HEPH: variants seen among roughly 807,000 people sequenced by gnomAD.
HEPH encodes the protein hephaestin.
In HEPH, 69 loss-of-function variants were observed where a neutral mutation model predicts 80.8. That is an observed-to-expected ratio of 0.85 (90% confidence interval 0.70 to 1.04). The LOEUF (loss-of-function observed/expected upper bound fraction) is 1.04, where lower values mean the gene tolerates loss of function less well. Among genes scored for constraint, HEPH ranks in the 50% least tolerant of loss-of-function variants. The pLI, the probability that HEPH is intolerant of heterozygous loss-of-function variation, is 0.00. For missense variants in HEPH, 1,115 were observed against 891.3 expected (o/e 1.25, Z -3.20); for synonymous variants, 431 against 322.8 (o/e 1.34, Z -3.60).
intron 15 of HEPH, among the ~76,000 whole-genome samples, chrX:66,215,291 A>G (rs2089337769): frequency 9.0e-6 from 1 of 110,996 alleles, no homozygotes; most frequent in Admixed American, 9.7e-5. Context: ...TGTATCTAGT[A>G]GTCTTCTTGA....
chrX:66,178,663 T>A (rs1244963989), intron 4 of HEPH, among the ~76,000 whole-genome samples: 2 of 112,230 alleles, frequency 1.8e-5, no homozygotes, highest in Admixed American at 9.4e-5. Flanking sequence ...GGTATCTCAT[T>A]GTGGTTTTGA....
intron 15 of HEPH, among the ~76,000 whole-genome samples, chrX:66,235,899 A>C: frequency 1.8e-5 from 2 of 111,351 alleles, no homozygotes; most frequent in Middle Eastern, 4.6e-3. Context: ...AATGGAATGG[A>C]ATAGCATTCC....
At chrX:66,255,285 TAGAC>T (rs2091139727) in intron 16 of HEPH, 144 bp downstream of exon 16, 2 of 382,557 alleles carry the variant, frequency 5.2e-6, no homozygotes, top group East Asian at 4.0e-5. Context: ...CTTATTTTAA[TAGAC>T]AGGAGGAGGG....
intron 4 of HEPH, among the ~76,000 whole-genome samples, chrX:66,187,973 G>C (rs2087560015): frequency 8.9e-6 from 1 of 111,898 alleles, no homozygotes; most frequent in Middle Eastern, 4.6e-3. Context: ...TGTAGTAAGA[G>C]TTTAGATATG....
chrX:66,219,545 C>T (rs939244794), intron 15 of HEPH, among the ~76,000 whole-genome samples: 3 of 111,960 alleles, frequency 2.7e-5, no homozygotes, highest in Non-Finnish European at 5.6e-5. Context: ...ATTTCTAAGA[C>T]AGCTTGTAAC....
Position 66,203,448 on chromosome X carries a change from A to C in HEPH, c.2162A>C (p.His721Pro). 8.3e-7 allele frequency: 1 copy of C among 1,210,644 alleles called. No individual in the cohort carries two copies. The highest frequency in any genetic ancestry group is 1.7e-5 in the African/African-American group (1 of 57,517). The change falls in exon 13 of 21, where the codon CAC (histidine) becomes CCC (proline). Residue 721 changes from histidine to proline, a missense_variant. By Grantham distance (77) the His-to-Pro change is moderately conservative (BLOSUM62 -2). Coordinates refer to ENST00000343002, the MANE Select transcript of HEPH (RefSeq NM_001367233.3). ...AIYNVSQCPG[H>P]QATPRQRYQA... ...TATAATGTCTCCCAGTGTCCTGGCC[A>C]CCAAGCCACCCCTCGCCAACGCTAC...
In HEPH at chrX:66,164,281, C is replaced by T. The variant is rs1373837732; in HGVS notation, c.-203C>T. ...GTTTTGTTTCTGGAAAAGAGGGCAC[C>T]CAGCCCTTCCCCCTCCCTCATCCTC... On this transcript the variant is annotated 5_prime_UTR_variant, in exon 1 of 21. Coordinates refer to ENST00000343002, the MANE Select transcript of HEPH (RefSeq NM_001367233.3). The T allele has an allele frequency of 1.3e-6, 1 of 751,121 alleles. No homozygotes were observed. The highest frequency in any genetic ancestry group is 7.6e-4 in the Middle Eastern group (1 of 1,315). 61.9% of individuals were successfully genotyped at this position (751,121 alleles called of 1,213,427 possible).
intron 15 of HEPH, among the ~76,000 whole-genome samples, chrX:66,241,903 G>T (rs967416659): frequency 8.1e-5 from 9 of 110,810 alleles, no homozygotes; most frequent in Non-Finnish European, 1.5e-4. Context: ...ATGCTCATGG[G>T]TAGAAAGAAT....
intron 15 of HEPH, among the ~76,000 whole-genome samples, chrX:66,251,724 T>G (rs1273013055): frequency 8.9e-6 from 1 of 111,793 alleles, no homozygotes; most frequent in Non-Finnish European, 1.9e-5. Context: ...ACTGCAAGTG[T>G]AAATACCTTG....
chrX:66,173,628 C>A lies in HEPH; in HGVS notation c.452C>A (p.Ala151Asp). The change falls in exon 4 of 21, where the codon GCT becomes GAT. Residue 151 changes from alanine (A) to aspartate (D), a missense_variant. Transcript: ENST00000343002. ...GATGGCTCCTCTGGGCCACTGAAAG[C>A]TGATGACTCTGTTCCCCCGGGGGGC... ...YPDGSSGPLK[A>D]DDSVPPGGSH... 1 of 1,210,968 alleles carries A rather than the reference C, an allele frequency of 8.3e-7. No homozygotes were observed. Among genetic ancestry groups the A allele is most frequent in the African/African-American group, 1.7e-5 (1 of 57,796 alleles).
chrX:66,172,257 C>A, intron 2 of HEPH, 98 bp from the exon 3 acceptor site: 3 of 833,696 alleles, frequency 3.6e-6, no homozygotes, highest in Non-Finnish European at 5.0e-6. Flanking sequence ...TTGTCCTAAA[C>A]AAAGATAGTC....
intron 15 of HEPH, among the ~76,000 whole-genome samples, chrX:66,217,073 G>A (rs1444449787): frequency 9.0e-6 from 1 of 110,868 alleles, no homozygotes; most frequent in East Asian, 2.8e-4. Flanking sequence ...TGTTCGGGAG[G>A]AAGAAGAGAA....
In HEPH at chrX:66,220,923, C is replaced by T. The variant is rs141923054; in HGVS notation, c.2563+12677C>T. ...TACAAACAAGTTTTTTTTAGATTCC[C>T]GGTACACTTATAATAATCATAAAAT... is the stretch of plus-strand genomic sequence containing the variant. On this transcript the variant is annotated intron_variant, in intron 15 of 20. Coordinates refer to ENST00000343002, the MANE Select transcript of HEPH (RefSeq NM_001367233.3). Among the ~76,000 whole-genome samples, 17 of 110,919 alleles carry T rather than the reference C, an allele frequency of 1.5e-4. 1 individual carries two copies. In the East Asian group the frequency reaches 4.3e-3, roughly 28 times the overall value.
chrX:66,203,658 ACT>A (rs1175446760), intron 13 of HEPH, 81 bp downstream of exon 13: 2 of 846,462 alleles, frequency 2.4e-6, no homozygotes, highest in Middle Eastern at 3.4e-4. Context: ...AGATGAGGAG[ACT>A]CTTATCTCAG....
rs1288002488 is a variant in HEPH at position 66,266,486 on chromosome X, C to T, written c.3291C>T (p.Gly1097=). ...AAGAAGGCAATGTGAAGATGCTGGG[C>T]ATGCAGATCCCCATAAAGAATGTTG... is the stretch of plus-strand genomic sequence containing the variant. ...DIEEGNVKML[G]MQIPIKNVEM... Residue 1097 remains glycine, a synonymous_variant, in exon 21 of 21, where the codon GGC becomes GGT. Transcript: ENST00000343002. The T allele has an allele frequency of 1.5e-5, 18 of 1,209,554 alleles. No homozygotes were observed. Among genetic ancestry groups the T allele is most frequent in the Middle Eastern group, 2.3e-4 (1 of 4,352 alleles).
chrX:66,234,307 T>A (rs926364695), intron 15 of HEPH, among the ~76,000 whole-genome samples: 3 of 111,478 alleles, frequency 2.7e-5, no homozygotes, highest in Non-Finnish European at 5.7e-5. Flanking sequence ...AAAAAAAAAA[T>A]CCAATCTACT....
chrX:66,170,148 A>T (rs2086531479), intron 1 of HEPH: 1 of 117,640 alleles, frequency 8.5e-6, no homozygotes, highest in African/African-American at 3.2e-5. Context: ...GAGGATAGGA[A>T]GTGGCAACAA....
chrX:66,188,324 G>T (rs1415731598), intron 4 of HEPH, 35 bp from the exon 5 acceptor site: 1 of 1,089,616 alleles, frequency 9.2e-7, no homozygotes, highest in African/African-American at 1.8e-5. Flanking sequence ...CTAAGGAAAG[G>T]ATCTTCTCAA....
chrX:66,180,302 G>A (rs2087046925), intron 4 of HEPH, among the ~76,000 whole-genome samples: 1 of 111,110 alleles, frequency 9.0e-6, no homozygotes, highest in Non-Finnish European at 1.9e-5. Flanking sequence ...TGGTGGCTTG[G>A]TAGTGGCAAA....
Sources: gnomAD v4.1 joint callset for allele counts (sites outside exome capture counted in the v4.1 genomes callset) on GRCh38, gnomAD v4.1.1 for gene constraint, MANE v1.5 for transcripts, NCBI Gene and HGNC (gene_info 2026-07-23, HGNC 2026-07-21) for gene names.